Variants in TNFRSF11B observed in about 807,000 individuals in gnomAD.
TNFRSF11B encodes tumor necrosis factor receptor superfamily member 11B.
TNFRSF11B carries 16 observed loss-of-function variants against 43.4 expected under a neutral mutation model. That is an observed-to-expected ratio of 0.37 (90% CI 0.25 to 0.56). The LOEUF (loss-of-function observed/expected upper bound fraction) is 0.56, where lower values mean the gene tolerates loss of function less well. TNFRSF11B is among the 20% of genes least tolerant of loss of function. The pLI is 0.80. For synonymous variants in TNFRSF11B, 185 were observed against 181.8 expected, an observed-to-expected ratio of 1.02 and a Z score of -0.14; for missense variants, 444 against 490.1, an observed-to-expected ratio of 0.91 and a Z score of 0.89.
chr8:118,933,986 G>A (rs557137188), intron 1 of TNFRSF11B, among the ~76,000 whole-genome samples: 16 of 152,148 alleles, frequency 1.1e-4, no homozygotes, highest in East Asian at 9.6e-4. Flanking sequence ...AATAAACTAC[G>A]CAAGTATTGT....
At chr8:118,948,796 A>C (rs944388327) in intron 1 of TNFRSF11B, among the ~76,000 whole-genome samples, 33 of 150,864 alleles carry the variant, frequency 2.2e-4, no homozygotes, top group African/African-American at 5.6e-4. Context: ...AACAAACAAA[A>C]AAAAACTTAA....
chr8:118,945,681 A>G (rs1812552320), intron 1 of TNFRSF11B, among the ~76,000 whole-genome samples: 1 of 152,142 alleles, frequency 6.6e-6, no homozygotes, highest in Non-Finnish European at 1.5e-5. Flanking sequence ...TAGAGTGCTG[A>G]TATTCATATT....
chr8:118,943,281 T>G (rs192075311), intron 1 of TNFRSF11B, among the ~76,000 whole-genome samples: 1 of 152,286 alleles, frequency 6.6e-6, no homozygotes, highest in Admixed American at 6.5e-5. Context: ...TCTGGGCTCA[T>G]GTCCACTAAG....
chr8:118,939,412 T>C (rs1812447214), intron 1 of TNFRSF11B, among the ~76,000 whole-genome samples: 2 of 151,964 alleles, frequency 1.3e-5, no homozygotes, highest in African/African-American at 2.4e-5. Context: ...TGCAAAACAA[T>C]TGGAGGCATA....
chr8:118,924,838 G>A, intron 4 of TNFRSF11B, 76 bp from the exon 5 acceptor site: 2 of 1,582,364 alleles, frequency 1.3e-6, no homozygotes, highest in Non-Finnish European at 1.7e-6. Context: ...CAAGCGTGAG[G>A]CAAAAGGTTC....
intron 1 of TNFRSF11B, among the ~76,000 whole-genome samples, chr8:118,934,501 G>A (rs1007096771): frequency 6.6e-6 from 1 of 152,180 alleles, no homozygotes; most frequent in African/African-American, 2.4e-5. Context: ...GGCAGGAAGA[G>A]GCCTGTGCAG....
chr8:118,945,330 A>C lies in TNFRSF11B; in HGVS notation c.30+6462T>G, dbSNP rs1188858617. Among the ~76,000 whole-genome samples the C allele has an allele frequency of 6.8e-4, 103 of 152,102 alleles. 1 individual carries two copies. Among genetic ancestry groups the C allele is most frequent in the Non-Finnish European group, 2.9e-5 (2 of 68,002 alleles). On this transcript the variant is annotated intron_variant, in intron 1 of 4. Coordinates refer to ENST00000297350, the MANE Select transcript of TNFRSF11B (RefSeq NM_002546.4). ...ATCTTTAAACTGCATCAGACCTTCC[A>C]CATATGACCTATTCTAACCTCTATT...
At chr8:118,944,235 T>C (rs2129918594) in intron 1 of TNFRSF11B, among the ~76,000 whole-genome samples, 1 of 152,278 alleles carries the variant, frequency 6.6e-6, no homozygotes, top group Middle Eastern at 3.4e-3. Context: ...CTAGTTGGTC[T>C]GCTGAAGACT....
chr8:118,924,773 C>T lies in TNFRSF11B; in HGVS notation c.818-11G>A. 3 of 1,614,000 alleles carry T rather than the reference C, an allele frequency of 1.9e-6. No individual in the cohort carries two copies. The highest frequency in any genetic ancestry group is 2.5e-6 in the Non-Finnish European group (3 of 1,180,006). On this transcript the variant is annotated splice_polypyrimidine_tract_variant and intron_variant, in intron 4 of 4. Transcript: ENST00000297350. The stretch of plus-strand genomic sequence containing the variant: ...CACAGAGGTCAATATCTGCATAAAG[C>T]AAAAGCCCAGATAAGTGTTCACATC...
chr8:118,926,371 A>G (rs1438662325), intron 4 of TNFRSF11B, 123 bp downstream of exon 4: 1 of 963,060 alleles, frequency 1.0e-6, no homozygotes, highest in Non-Finnish European at 1.6e-6. Context: ...TTTTCAGTCC[A>G]ACAATGATTC....
intron 1 of TNFRSF11B, among the ~76,000 whole-genome samples, chr8:118,947,726 A>G (rs929570143): frequency 6.6e-6 from 1 of 152,224 alleles, no homozygotes; most frequent in East Asian, 1.9e-4. Flanking sequence ...AATTTGATAG[A>G]AGATTATTAA....
intron 4 of TNFRSF11B, among the ~76,000 whole-genome samples, chr8:118,925,318 C>T (rs944624231): frequency 2.0e-5 from 3 of 152,140 alleles, no homozygotes; most frequent in African/African-American, 7.2e-5. Context: ...AGGGTACAAA[C>T]CTAAGAGGGA....
chr8:118,946,710 C>T (rs1189014887), intron 1 of TNFRSF11B, among the ~76,000 whole-genome samples: 3 of 152,096 alleles, frequency 2.0e-5, no homozygotes, highest in Admixed American at 1.3e-4. Context: ...TCTCTCTTGG[C>T]TTGTGAAGTC....
Position 118,924,285 on chromosome 8 carries a change from T to C in TNFRSF11B, c.*89A>G, listed in dbSNP as rs767866427. The C allele has an allele frequency of 1.4e-5, 21 of 1,475,084 alleles. No homozygotes were observed. Among genetic ancestry groups the C allele is most frequent in the Non-Finnish European group, 2.0e-5 (21 of 1,061,322 alleles). 91.4% of individuals were successfully genotyped at this position (1,475,084 alleles called of 1,614,324 possible). On this transcript the variant is annotated 3_prime_UTR_variant, in exon 5 of 5. Transcript: ENST00000297350. ...TTAGTCACTGGTAATGAGAAAGATA[T>C]CACTGAAAGCCTCAAGTGCCTGAGA...
At chr8:118,926,836 T>G in intron 3 of TNFRSF11B, 118 bp from the exon 4 acceptor site, 3 of 1,028,784 alleles carry the variant, frequency 2.9e-6, no homozygotes, top group Non-Finnish European at 2.9e-6. Flanking sequence ...TAAAATATGC[T>G]AAAATGCAAA....
At chr8:118,932,768 T>A (rs888953478) in intron 2 of TNFRSF11B, among the ~76,000 whole-genome samples, 163 bp downstream of exon 2, 1 of 152,036 alleles carries the variant, frequency 6.6e-6, no homozygotes, top group African/African-American at 2.4e-5. Context: ...TGAGCAATGG[T>A]CCTTTGGAAG....
At chr8:118,942,745 GT>G (rs1220513325) in intron 1 of TNFRSF11B, among the ~76,000 whole-genome samples, 1 of 152,110 alleles carries the variant, frequency 6.6e-6, no homozygotes, top group African/African-American at 2.4e-5. Flanking sequence ...TTTCAAAGGT[GT>G]CAGAGCTAGC....
At chr8:118,941,755 G>C (rs1812491367) in intron 1 of TNFRSF11B, among the ~76,000 whole-genome samples, 1 of 152,146 alleles carries the variant, frequency 6.6e-6, no homozygotes. Context: ...AAATCTCTGA[G>C]AAAAGAGAAC....
chr8:118,936,950 C>T (rs1812414520), intron 1 of TNFRSF11B, among the ~76,000 whole-genome samples: 1 of 152,170 alleles, frequency 6.6e-6, no homozygotes, highest in African/African-American at 2.4e-5. Context: ...TTTGTATAGA[C>T]CACTTATGCT....
Sources: gnomAD v4.1 joint callset for allele counts (sites outside exome capture counted in the v4.1 genomes callset) on GRCh38, gnomAD v4.1.1 for gene constraint, MANE v1.5 for transcripts, NCBI Gene and HGNC (gene_info 2026-07-23, HGNC 2026-07-21) for gene names.